Variants in CLYBL observed in about 807,000 individuals in gnomAD.
The protein encoded by CLYBL is citramalyl-CoA lyase.
CLYBL carries 31 observed loss-of-function variants against 38.9 expected under a neutral mutation model. The observed-to-expected ratio is 0.80, with a 90% CI of 0.60 to 1.08. CLYBL has a LOEUF of 1.08. Ranked by LOEUF, CLYBL falls within the 50% of genes least tolerant of loss-of-function variation. CLYBL has a pLI of 0.00. For synonymous variants in CLYBL, 171 were observed against 158.6 expected (o/e 1.08, Z -0.59); for missense variants, 434 against 411.6 (o/e 1.05, Z -0.47).
intron 1 of CLYBL, among the ~76,000 whole-genome samples, chr13:99,655,236 C>T (rs1005205619): frequency 2.6e-5 from 4 of 151,850 alleles, no homozygotes; most frequent in Non-Finnish European, 5.9e-5. Flanking sequence ...CCATCATGCC[C>T]GGCTAATTTT....
intron 1 of CLYBL, among the ~76,000 whole-genome samples, chr13:99,770,083 T>TTC (rs1566319476): frequency 7.2e-6 from 1 of 138,356 alleles, no homozygotes; most frequent in Non-Finnish European, 1.7e-5. Flanking sequence ...TTTCTTTCTT[T>TTC]TTTTTTTTTT....
chr13:99,614,576 G>A (rs1034700137), intron 1 of CLYBL, among the ~76,000 whole-genome samples: 3 of 152,086 alleles, frequency 2.0e-5, no homozygotes, highest in African/African-American at 4.8e-5. Context: ...GTGTAGCTGC[G>A]AGGGAGGTCT....
At chr13:99,679,102 G>A (rs2047694569) in intron 1 of CLYBL, among the ~76,000 whole-genome samples, 2 of 152,034 alleles carry the variant, frequency 1.3e-5, no homozygotes, top group East Asian at 3.9e-4. Flanking sequence ...AGATCATCCT[G>A]GCTAACACGG....
chr13:99,727,423 A>C (rs1212313154), intron 1 of CLYBL: 1 of 152,060 alleles, frequency 6.6e-6, no homozygotes, highest in Non-Finnish European at 1.5e-5. Flanking sequence ...TAAAGGTCTC[A>C]AAAGGGCAGG....
chr13:99,719,560 G>A (rs1403288025), intron 1 of CLYBL, among the ~76,000 whole-genome samples: 1 of 151,978 alleles, frequency 6.6e-6, no homozygotes, highest in Admixed American at 6.6e-5. Flanking sequence ...AGGCTGGAGT[G>A]CAGTGGTGCT....
At chr13:99,901,645 G>GTTTTTTTTTT (rs57853480), downstream of CLYBL, among the ~76,000 whole-genome samples, 1 of 127,194 alleles carries the variant, frequency 7.9e-6, no homozygotes, top group African/African-American at 3.1e-5. Context: ...GGATTTTTTT[G>GTTTTTTTTTT]TTTTTTTTTT....
chr13:99,756,623 TG>T (rs1183601659), intron 1 of CLYBL, among the ~76,000 whole-genome samples: 10 of 152,204 alleles, frequency 6.6e-5, no homozygotes, highest in African/African-American at 2.4e-4. Flanking sequence ...TTTGTTTGTT[TG>T]TTTGAGCTCA....
chr13:99,734,195 T>TCACCTCATTCCCCTCTCTTCCCCTCCC (rs2048632467), intron 1 of CLYBL, among the ~76,000 whole-genome samples: 1 of 152,082 alleles, frequency 6.6e-6, no homozygotes, highest in Non-Finnish European at 1.5e-5. Context: ...ACCTCCCTCC[T>TCACCTCATTCCCCTCTCTTCCCCTCCC]CACCTCATTC....
chr13:99,649,232 T>C (rs1458326845), intron 1 of CLYBL, among the ~76,000 whole-genome samples: 4 of 152,186 alleles, frequency 2.6e-5, no homozygotes, highest in African/African-American at 9.7e-5. Context: ...ATAATTTCAC[T>C]CAAGTTTTCC....
intron 2 of CLYBL, among the ~76,000 whole-genome samples, chr13:99,832,043 A>G (rs1455839289): frequency 6.6e-6 from 1 of 152,232 alleles, no homozygotes; most frequent in East Asian, 1.9e-4. Flanking sequence ...TTAGAATATG[A>G]TGTTAATGAA....
chr13:99,796,668 A>C (rs372833349), intron 2 of CLYBL, among the ~76,000 whole-genome samples: 11 of 152,264 alleles, frequency 7.2e-5, no homozygotes, highest in African/African-American at 2.6e-4. Context: ...CACATTTGCT[A>C]ATGAAGGTTA....
At chr13:99,880,525 G>T (rs1412375493) in intron 7 of CLYBL, among the ~76,000 whole-genome samples, 1 of 152,196 alleles carries the variant, frequency 6.6e-6, no homozygotes, top group African/African-American at 2.4e-5. Context: ...AGGTGTAATG[G>T]AGCCCAAAGT....
At chr13:99,877,730 T>C (rs1038409120) in intron 7 of CLYBL, 4 of 249,506 alleles carry the variant, frequency 1.6e-5, no homozygotes, top group East Asian at 1.5e-4. Flanking sequence ...GCGCACAACA[T>C]GCCTGGCTAA....
At chr13:99,630,482 T>G (rs1219199771) in intron 1 of CLYBL, among the ~76,000 whole-genome samples, 1 of 152,142 alleles carries the variant, frequency 6.6e-6, no homozygotes, top group South Asian at 2.1e-4. Context: ...AGTGGAGAAG[T>G]TGGGGGCAGG....
intron 2 of CLYBL, among the ~76,000 whole-genome samples, chr13:99,814,819 C>G (rs535165633): frequency 2.0e-5 from 3 of 151,898 alleles, no homozygotes; most frequent in African/African-American, 7.2e-5. Flanking sequence ...TTGCTTGAGT[C>G]CAAAAGTTTG....
chr13:99,806,656 A>G (rs1420308795), intron 2 of CLYBL, among the ~76,000 whole-genome samples: 2 of 152,234 alleles, frequency 1.3e-5, no homozygotes, highest in African/African-American at 4.8e-5. Flanking sequence ...AAATGAGGTA[A>G]TGTGTCTGAA....
intron 2 of CLYBL, among the ~76,000 whole-genome samples, chr13:99,816,623 C>T (rs1310499967): frequency 6.6e-6 from 1 of 152,208 alleles, no homozygotes; most frequent in East Asian, 1.9e-4. Flanking sequence ...GACTAGCGCC[C>T]ATATGAAAGA....
At chr13:99,675,307 T>G (rs192762226) in intron 1 of CLYBL, among the ~76,000 whole-genome samples, 1 of 152,258 alleles carries the variant, frequency 6.6e-6, no homozygotes, top group Admixed American at 6.5e-5. Flanking sequence ...CTTATATATG[T>G]ATGCCCTATA....
At chr13:99,885,768 T>G (rs1462658836) in intron 7 of CLYBL, among the ~76,000 whole-genome samples, 1 of 152,052 alleles carries the variant, frequency 6.6e-6, no homozygotes, top group African/African-American at 2.4e-5. Context: ...TGGGAGAAGT[T>G]GCAAAATAGG....
Sources: gnomAD v4.1 joint callset for allele counts (sites outside exome capture counted in the v4.1 genomes callset) on GRCh38, gnomAD v4.1.1 for gene constraint, MANE v1.5 for transcripts, NCBI Gene and HGNC (gene_info 2026-07-23, HGNC 2026-07-21) for gene names.